Variants in MKLN1 observed in about 807,000 individuals in gnomAD.
MKLN1 encodes the protein muskelin 1.
A neutral mutation model predicts 99.0 loss-of-function variants in MKLN1; 18 were observed. The observed-to-expected ratio is 0.18, with a 90% CI of 0.13 to 0.27. The LOEUF (loss-of-function observed/expected upper bound fraction) is 0.27. Ranked by LOEUF, MKLN1 falls within the 10% of genes least tolerant of loss-of-function variation. The pLI, the probability that MKLN1 is intolerant of heterozygous loss-of-function variation, is 1.00. For missense variants in MKLN1, 621 were observed against 875.9 expected (o/e 0.71, Z 3.67); for synonymous variants, 288 against 293.2 (o/e 0.98, Z 0.18).
chr7:131,392,630 G>GTTTCA (rs1351117173), intron 4 of MKLN1, among the ~76,000 whole-genome samples: 7 of 147,084 alleles, frequency 4.8e-5, no homozygotes, highest in Non-Finnish European at 1.0e-4. Context: ...GGGAGGTGGA[G>GTTTCA]TTTCACTCTT....
chr7:131,432,572 C>T (rs765667357), intron 9 of MKLN1, among the ~76,000 whole-genome samples: 5 of 152,044 alleles, frequency 3.3e-5, no homozygotes, highest in South Asian at 2.1e-4. Flanking sequence ...CTCAGCCTCC[C>T]GAGTAGCTGG....
At chr7:131,280,502 G>A (rs1798034852) in intron 3 of MKLN1, among the ~76,000 whole-genome samples, 2 of 152,198 alleles carry the variant, frequency 1.3e-5, no homozygotes, top group Admixed American at 1.3e-4. Flanking sequence ...CTTGTGGTGT[G>A]AAGAGATGTC....
rs1353057591 is a variant in MKLN1, at chr7:131,312,731, C to T, written c.-178-62693C>T. ...CTTTATATGCTCTCTATGTAAATTT[C>T]TGGCCTAGTAGTTTTAGTTACATAT... On this transcript the variant is annotated intron_variant, in intron 3 of 7. Coordinates refer to the MKLN1 transcript ENST00000416992. Among the ~76,000 whole-genome samples, 4 of 152,270 alleles carry T rather than the reference C, an allele frequency of 2.6e-5. No individual in the cohort carries two copies. The East Asian group carries it at 5.8e-4, about 22-fold the overall frequency.
At chr7:131,435,855 A>AT (rs987741919) in intron 9 of MKLN1, among the ~76,000 whole-genome samples, 6 of 149,010 alleles carry the variant, frequency 4.0e-5, no homozygotes, top group Admixed American at 6.7e-5. Context: ...AATTTTCTCT[A>AT]TTTTTTTTCA....
chr7:131,380,699 A>G (rs1563320452), intron 2 of MKLN1, among the ~76,000 whole-genome samples: 1 of 152,192 alleles, frequency 6.6e-6, no homozygotes, highest in Non-Finnish European at 1.5e-5. Context: ...CTCATGCTGT[A>G]TAAATTAGTT....
Position 131,113,746 on chromosome 7 carries a change from C to A in MKLN1, c.-419+3539C>A, listed in dbSNP as rs142820799. Among the ~76,000 whole-genome samples, 1,147 of 152,070 alleles carry A rather than the reference C, an allele frequency of 7.5e-3. 16 individuals carry two copies. Among genetic ancestry groups the A allele is most frequent in the African/African-American group, 0.026 (1,060 of 41,448 alleles). On this transcript the variant is annotated intron_variant, in intron 1 of 7. Coordinates refer to the MKLN1 transcript ENST00000416992. ...CAGCTCCTCAGGAGGATCACTTGAA[C>A]CACAGAAGCGGAGGTTGCAATGAGC...
chr7:131,214,600 A>G (rs1796951949), intron 3 of MKLN1, among the ~76,000 whole-genome samples: 1 of 152,210 alleles, frequency 6.6e-6, no homozygotes, highest in South Asian at 2.1e-4. Context: ...GGGGCTACCT[A>G]TCACTGGACA....
At chr7:131,322,662 C>T (rs973206116) in intron 3 of MKLN1, among the ~76,000 whole-genome samples, 4 of 150,870 alleles carry the variant, frequency 2.7e-5, no homozygotes, top group Non-Finnish European at 5.9e-5. Flanking sequence ...GCTCCGCTTC[C>T]CGGGTTCACG....
chr7:131,305,792 T>C lies in MKLN1; in HGVS notation c.-178-69632T>C, dbSNP rs540289285. 7.9e-5 allele frequency among the ~76,000 whole-genome samples: 12 copies of C among 152,270 alleles called. No individual in the cohort carries two copies. In the South Asian group the frequency reaches 2.3e-3, roughly 29 times the overall value. ...CCCCTGGCACATCACAGCCTTTCCATAAATATATGTTGCAAGGAAAAGAGA... is the reference window on the plus strand; with the variant it reads ...CCCCTGGCACATCACAGCCTTTCCACAAATATATGTTGCAAGGAAAAGAGA... On this transcript the variant is annotated intron_variant, in intron 3 of 7. Transcript: ENST00000416992.
At chr7:131,191,093 G>T (rs1796534350) in intron 2 of MKLN1, among the ~76,000 whole-genome samples, 1 of 152,194 alleles carries the variant, frequency 6.6e-6, no homozygotes, top group South Asian at 2.1e-4. Flanking sequence ...TCAGTATAAG[G>T]TCAGCTCGCC....
chr7:131,351,660 C>G (rs1323643340), intron 1 of MKLN1, among the ~76,000 whole-genome samples: 2 of 151,996 alleles, frequency 1.3e-5, no homozygotes, highest in African/African-American at 4.8e-5. Context: ...GTCAAGGTCT[C>G]ATTGTGTTGC....
At chr7:131,159,693 T>C (rs1209386978) in intron 2 of MKLN1, among the ~76,000 whole-genome samples, 1 of 152,194 alleles carries the variant, frequency 6.6e-6, no homozygotes, top group Non-Finnish European at 1.5e-5. Context: ...ATTTATTATA[T>C]ATTTCAAAAT....
At chr7:131,462,211 A>G (rs1435119137) in intron 12 of MKLN1, among the ~76,000 whole-genome samples, 1 of 152,062 alleles carries the variant, frequency 6.6e-6, no homozygotes, top group Non-Finnish European at 1.5e-5. Flanking sequence ...TTTAGTTTTC[A>G]TAGAGACAGG....
intron 2 of MKLN1, among the ~76,000 whole-genome samples, 171 bp from the exon 3 acceptor site, chr7:131,386,949 T>C (rs1246375287): frequency 6.6e-6 from 1 of 152,220 alleles, no homozygotes; most frequent in Non-Finnish European, 1.5e-5. Flanking sequence ...TCTGGTGGGA[T>C]AACCTTTATA....
chr7:131,438,077 T>A, intron 10 of MKLN1, 80 bp downstream of exon 10: 1 of 1,101,732 alleles, frequency 9.1e-7, no homozygotes, highest in Non-Finnish European at 1.4e-6. Flanking sequence ...TTAGATGTTA[T>A]GCTGAGTTGT....
At chr7:131,336,863 T>C (rs1393161762) in intron 1 of MKLN1, among the ~76,000 whole-genome samples, 3 of 152,186 alleles carry the variant, frequency 2.0e-5, no homozygotes, top group Non-Finnish European at 4.4e-5. Flanking sequence ...CATGCTTCCA[T>C]CTGAGATTAA....
At chr7:131,272,876 A>G (rs1797908199) in intron 3 of MKLN1, among the ~76,000 whole-genome samples, 1 of 152,222 alleles carries the variant, frequency 6.6e-6, no homozygotes, top group Non-Finnish European at 1.5e-5. Context: ...AACACATGGG[A>G]ATTCTGGGAG....
At chr7:131,229,590 T>C (rs576738407) in intron 3 of MKLN1, among the ~76,000 whole-genome samples, 13 of 152,208 alleles carry the variant, frequency 8.5e-5, no homozygotes, top group African/African-American at 2.9e-4. Context: ...TTTCACTCTC[T>C]TACCCAGGCT....
intron 3 of MKLN1, among the ~76,000 whole-genome samples, chr7:131,207,252 G>A (rs997043241): frequency 5.9e-5 from 9 of 151,880 alleles, no homozygotes; most frequent in Non-Finnish European, 1.2e-4. Context: ...TGTCACCCGG[G>A]CTGGAGTGCA....
Sources: gnomAD v4.1 joint callset for allele counts (sites outside exome capture counted in the v4.1 genomes callset) on GRCh38, gnomAD v4.1.1 for gene constraint, MANE v1.5 for transcripts, NCBI Gene and HGNC (gene_info 2026-07-23, HGNC 2026-07-21) for gene names.